LPAR1: variants seen among roughly 807,000 people sequenced by gnomAD.
LPAR1 encodes LPA receptor 1.
Under a neutral mutation model 23.8 loss-of-function variants are expected in LPAR1, and 5 were observed. That is an observed-to-expected ratio of 0.21 (90% CI 0.11 to 0.44). The LOEUF is 0.44. Among genes scored for constraint, LPAR1 ranks in the 20% least tolerant of loss-of-function variants. The pLI is 0.99. For synonymous variants in LPAR1, 160 were observed against 164.7 expected, an observed-to-expected ratio of 0.97 and a Z score of 0.22; for missense variants, 311 against 482.8, an observed-to-expected ratio of 0.64 and a Z score of 3.33.
intron 4 of LPAR1, among the ~76,000 whole-genome samples, chr9:110,953,784 A>G (rs1588510634): frequency 6.6e-6 from 1 of 152,318 alleles, no homozygotes; most frequent in East Asian, 1.9e-4. Context: ...AACCAACACC[A>G]TAGATACATC....
At chr9:110,920,672 G>A (rs566949363) in intron 5 of LPAR1, among the ~76,000 whole-genome samples, 23 of 152,288 alleles carry the variant, frequency 1.5e-4, no homozygotes, top group African/African-American at 5.5e-4. Flanking sequence ...AGGGTATGGG[G>A]TCTAGCAAAT....
intron 4 of LPAR1, among the ~76,000 whole-genome samples, chr9:110,955,374 A>G (rs900280590): frequency 6.6e-6 from 1 of 152,228 alleles, no homozygotes; most frequent in Non-Finnish European, 1.5e-5. Flanking sequence ...GAATCAATCC[A>G]GGAAGATGTA....
chr9:111,021,143 G>A (rs1399177478), intron 2 of LPAR1, among the ~76,000 whole-genome samples: 1 of 152,192 alleles, frequency 6.6e-6, no homozygotes, highest in Non-Finnish European at 1.5e-5. Context: ...AGTTGATGGG[G>A]GAAAGGGAAG....
At position 110,875,596 on chromosome 9, in the gene LPAR1, T is replaced by C; in HGVS notation, c.920A>G (p.Asn307Ser). Residue 307 changes from asparagine to serine, a missense_variant, in exon 6 of 6, where the codon AAC becomes AGC. Coordinates refer to ENST00000683809, the MANE Select transcript of LPAR1 (RefSeq NM_001351411.2). ...GTCGCGGTAGGAGTAAATGATGGGG[T>C]TCATGGCAGAGTTGAATTCAGCAAG... The part of the protein sequence containing the change: ...LLLAEFNSAM[N>S]PIIYSYRDKE... 1.9e-6 allele frequency: 3 copies of C among 1,613,828 alleles called. No individual in the cohort carries two copies. Among genetic ancestry groups the C allele is most frequent in the Non-Finnish European group, 2.5e-6 (3 of 1,179,952 alleles).
rs144374255 is a variant in LPAR1 at position 111,016,413 on chromosome 9, G to C, written c.-182+19709C>G. On this transcript the variant is annotated intron_variant, in intron 2 of 5. Coordinates refer to ENST00000683809, the MANE Select transcript of LPAR1 (RefSeq NM_001351411.2). ...TATGCTGACTTTTGAAACTTGACCTGAACAAATAAACTGTATGTGGGGCCA... is the reference window on the plus strand; with the variant it reads ...TATGCTGACTTTTGAAACTTGACCTCAACAAATAAACTGTATGTGGGGCCA... 4.4e-3 allele frequency among the ~76,000 whole-genome samples: 672 copies of C among 152,264 alleles called. 2 individuals are homozygous for C. Among genetic ancestry groups the C allele is most frequent in the Non-Finnish European group, 7.7e-3 (525 of 68,020 alleles).
At chr9:110,945,276 T>C (rs1005225253) in intron 4 of LPAR1, 3 of 152,154 alleles carry the variant, frequency 2.0e-5, no homozygotes, top group African/African-American at 7.2e-5. Flanking sequence ...TAACTGCAAT[T>C]GGACTATAGG....
At chr9:110,880,811 TCAGG>T (rs2080550536) in intron 5 of LPAR1, among the ~76,000 whole-genome samples, 1 of 152,210 alleles carries the variant, frequency 6.6e-6, no homozygotes, top group Non-Finnish European at 1.5e-5. Flanking sequence ...TTCCCTCAGG[TCAGG>T]CAGCGTGGTA....
rs55696642 is a variant in LPAR1, at chr9:111,009,998, AATATATATATAT to A, written c.-182+26112_-182+26123del. The stretch of plus-strand genomic sequence containing the variant: ...TCATTTCTCATTTCATAATTAGGAA[AATATATATATAT>A]ATATATATATATATATATATATATA... On this transcript the variant is annotated intron_variant, in intron 2 of 5. Transcript: ENST00000683809. Among the ~76,000 whole-genome samples, 375 of 123,422 alleles carry A rather than the reference AATATATATATAT, an allele frequency of 3.0e-3. 1 individual carries two copies. Among genetic ancestry groups the A allele is most frequent in the South Asian group, 6.3e-3 (21 of 3,308 alleles). The allele number at this position is 123,422 out of a possible 152,430, so 81.0% of individuals were successfully genotyped here.
In LPAR1 at chr9:111,034,408, GA is replaced by G. The variant is rs148046898; in HGVS notation, c.-182+1713del. Among the ~76,000 whole-genome samples the G allele has an allele frequency of 9.2e-5, 14 of 151,974 alleles. No homozygotes were observed. The East Asian group carries it at 1.2e-3, about 13-fold the overall frequency. On this transcript the variant is annotated intron_variant, in intron 2 of 5. Transcript: ENST00000683809. ...CCTTCCCTAAACAAAAAAGAGAGGG[GA>G]AAAAAAATGTTTTCTTGGACAGCTC...
intron 2 of LPAR1, among the ~76,000 whole-genome samples, chr9:111,032,568 T>G (rs2097820488): frequency 6.6e-6 from 1 of 152,158 alleles, no homozygotes; most frequent in Non-Finnish European, 1.5e-5. Flanking sequence ...CCTCTGCCCC[T>G]GAACCATTTC....
Position 110,874,341 on chromosome 9 carries a change from C to A in LPAR1, c.*1080G>T, listed in dbSNP as rs1339367493. 2 of 152,418 alleles carry A rather than the reference C, an allele frequency of 1.3e-5. No individual in the cohort carries two copies. Among genetic ancestry groups the A allele is most frequent in the African/African-American group, 4.8e-5 (2 of 41,384 alleles). 9.4% of individuals were successfully genotyped at this position (152,418 alleles called of 1,614,324 possible). On this transcript the variant is annotated 3_prime_UTR_variant, in exon 6 of 6. Transcript: ENST00000683809. ...TTTTTAATGCCATAAGAAAATGTGG[C>A]AATTTTGCAATGAAAAAGATCTACT...
chr9:110,889,251 G>A (rs1165391739), intron 5 of LPAR1, among the ~76,000 whole-genome samples: 5 of 152,116 alleles, frequency 3.3e-5, no homozygotes, highest in African/African-American at 7.2e-5. Context: ...TCAGCTACTC[G>A]GGAGGCTGAG....
At chr9:110,935,374 T>G (rs2135893657) in intron 5 of LPAR1, among the ~76,000 whole-genome samples, 1 of 151,176 alleles carries the variant, frequency 6.6e-6, no homozygotes, top group East Asian at 2.0e-4. Context: ...AGGGATCCTT[T>G]CAAGTTCTAA....
intron 2 of LPAR1, among the ~76,000 whole-genome samples, chr9:111,023,480 C>T (rs2097606299): frequency 6.6e-6 from 1 of 152,104 alleles, no homozygotes; most frequent in Non-Finnish European, 1.5e-5. Flanking sequence ...TTTTCCCCCA[C>T]AGAATTTATC....
intron 5 of LPAR1, among the ~76,000 whole-genome samples, chr9:110,883,555 G>A (rs1324074237): frequency 6.6e-6 from 1 of 152,132 alleles, no homozygotes; most frequent in Non-Finnish European, 1.5e-5. Flanking sequence ...TAAATAGAAT[G>A]TCAAGAATAA....
rs74485312 is a variant in LPAR1 at position 111,000,788 on chromosome 9, C to T, written c.-181-27230G>A. On this transcript the variant is annotated intron_variant, in intron 2 of 5. Transcript: ENST00000683809. ...TGTTGGACAATGCTGGAATACTGTC[C>T]ACAAAAATTACGAAGTGGAAGGAAG... Among the ~76,000 whole-genome samples the T allele has an allele frequency of 9.0e-3, 1,363 of 152,256 alleles. 11 individuals carry two copies. Among genetic ancestry groups the T allele is most frequent in the Non-Finnish European group, 0.011 (737 of 68,004 alleles).
At chr9:110,959,221 C>T (rs1040707268) in intron 4 of LPAR1, among the ~76,000 whole-genome samples, 1 of 143,960 alleles carries the variant, frequency 6.9e-6, no homozygotes, top group Non-Finnish European at 1.5e-5. Context: ...ATCTAGGTAT[C>T]CCTCTACTGG....
At chr9:110,921,236 T>A (rs532733203) in intron 5 of LPAR1, among the ~76,000 whole-genome samples, 53 of 152,326 alleles carry the variant, frequency 3.5e-4, no homozygotes, top group African/African-American at 1.2e-3. Context: ...ATCTAGCCAC[T>A]GTACTCCAGT....
At chr9:111,010,112 T>C (rs2097305788) in intron 2 of LPAR1, among the ~76,000 whole-genome samples, 1 of 149,254 alleles carries the variant, frequency 6.7e-6, no homozygotes, top group Non-Finnish European at 1.5e-5. Flanking sequence ...AAATCCCACT[T>C]TAAAATTGAA....
Sources: allele counts gnomAD v4.1 joint callset (sites outside exome capture counted in the v4.1 genomes callset), GRCh38; gene constraint gnomAD v4.1.1; transcripts MANE v1.5; gene names NCBI Gene and HGNC (gene_info 2026-07-23, HGNC 2026-07-21).